Variants in APBB2 observed in about 807,000 individuals in gnomAD.
APBB2 encodes amyloid beta precursor protein binding family B member 2.
APBB2 carries 38 observed loss-of-function variants against 82.5 expected under a neutral mutation model. The observed-to-expected ratio is 0.46, with a 90% CI of 0.36 to 0.60. The LOEUF (loss-of-function observed/expected upper bound fraction) is 0.60, where lower values mean the gene tolerates loss of function less well. Ranked by LOEUF, APBB2 falls within the 20% of genes least tolerant of loss-of-function variation. The probability of loss-of-function intolerance (pLI) is 0.00; values close to 1 mark genes in which losing one functional copy is unlikely to be tolerated. For missense variants in APBB2, 772 were observed against 972.3 expected (o/e 0.79, Z 2.74); for synonymous variants, 341 against 368.2 (o/e 0.93, Z 0.85).
intron 6 of APBB2, among the ~76,000 whole-genome samples, chr4:40,994,408 TA>T (rs1331296562): frequency 6.6e-6 from 1 of 152,160 alleles, no homozygotes; most frequent in East Asian, 1.9e-4. Context: ...CTCTTGAAGT[TA>T]AAGTATGATA....
Position 41,003,186 on chromosome 4 carries a change from G to A in APBB2, c.835+10397C>T, listed in dbSNP as rs147798888. 7.2e-5 allele frequency among the ~76,000 whole-genome samples: 11 copies of A among 152,006 alleles called. No individual in the cohort carries two copies. The East Asian group carries it at 1.2e-3, about 16-fold the overall frequency. On this transcript the variant is annotated intron_variant, in intron 6 of 17. Coordinates refer to ENST00000508593, the MANE Select transcript of APBB2 (RefSeq NM_004307.2). ...CAATCTCAGTTGAGGTTGTAGTTTC[G>A]GATTCATCAGTCCACACCAAAATTT...
At chr4:40,972,846 C>T (rs905223908) in intron 6 of APBB2, among the ~76,000 whole-genome samples, 2 of 152,210 alleles carry the variant, frequency 1.3e-5, no homozygotes, top group Non-Finnish European at 2.9e-5. Context: ...TTGCTCAGTA[C>T]TTATCCCCAG....
intron 6 of APBB2, among the ~76,000 whole-genome samples, chr4:40,962,588 T>G (rs1189889689): frequency 6.6e-6 from 1 of 152,208 alleles, no homozygotes; most frequent in Non-Finnish European, 1.5e-5. Context: ...ACGTCATAGG[T>G]GGGCAATGTA....
chr4:40,823,055 G>A (rs1023744238), intron 16 of APBB2, among the ~76,000 whole-genome samples: 2 of 152,194 alleles, frequency 1.3e-5, no homozygotes, highest in African/African-American at 4.8e-5. Context: ...TTCCCTGGCA[G>A]GTGCTTCACA....
At chr4:40,852,308 G>A (rs1275758512) in intron 12 of APBB2, among the ~76,000 whole-genome samples, 2 of 140,688 alleles carry the variant, frequency 1.4e-5, no homozygotes, top group East Asian at 2.1e-4. Flanking sequence ...CCGAGATCGT[G>A]ACACTGCACT....
At position 41,013,879 on chromosome 4, in the gene APBB2, C is replaced by A; in HGVS notation, c.539G>T (p.Gly180Val). 1 of 1,614,162 alleles carries A rather than the reference C, an allele frequency of 6.2e-7. No individual in the cohort carries two copies. Among genetic ancestry groups the A allele is most frequent in the South Asian group, 1.1e-5 (1 of 91,080 alleles). Residue 180 changes from glycine (G) to valine (V), a missense_variant, in exon 6 of 18, where the codon GGC (glycine) becomes GTC (valine). Physicochemically the swap from Gly to Val is moderately radical, Grantham distance 109. Transcript: ENST00000508593. The part of the protein sequence containing the change: ...TSARELEQNR[G>V]NHHGTAEEKS... ...CTCTTCCGCAGTCCCATGGTGATTG[C>A]CTCGGTTCTGCTCTAGTTCTCTGGC...
intron 2 of APBB2, among the ~76,000 whole-genome samples, chr4:41,125,445 G>A (rs73248261): frequency 0.12 from 17,667 of 152,102 alleles, 1,290 homozygotes; most frequent in Non-Finnish European, 0.16. Context: ...CTGAGGTTGG[G>A]TGTCCCAGCA....
intron 4 of APBB2, among the ~76,000 whole-genome samples, chr4:41,051,140 G>T (rs1284905037): frequency 1.3e-5 from 2 of 152,136 alleles, no homozygotes; most frequent in Admixed American, 6.5e-5. Flanking sequence ...ACAAAGGCGG[G>T]TCTCTAAAAT....
At chr4:41,189,264 A>G (rs1218129543) in intron 1 of APBB2, among the ~76,000 whole-genome samples, 1 of 152,198 alleles carries the variant, frequency 6.6e-6, no homozygotes, top group Admixed American at 6.5e-5. Flanking sequence ...ATGAAAGCAC[A>G]TACTGAATCA....
At chr4:40,819,163 T>C (rs1247675074) in intron 17 of APBB2, among the ~76,000 whole-genome samples, 2 of 147,122 alleles carry the variant, frequency 1.4e-5, no homozygotes, top group Non-Finnish European at 3.0e-5. Flanking sequence ...GCTAAGTCCC[T>C]CCCCTTGGCT....
rs979644996 is a variant in APBB2, at chr4:40,984,653, G to A, written c.835+28930C>T. Among the ~76,000 whole-genome samples, 4 of 152,146 alleles carry A rather than the reference G, an allele frequency of 2.6e-5. No homozygotes were observed. In the South Asian group the frequency reaches 6.2e-4, roughly 24 times the overall value. Reference sequence around the variant, plus strand: ...AGGCCCCTGGAACCCTCAAGGAGTGGAGTAACAGCTAACAAGTAGCAAAGG... The same window carrying A: ...AGGCCCCTGGAACCCTCAAGGAGTGAAGTAACAGCTAACAAGTAGCAAAGG... On this transcript the variant is annotated intron_variant, in intron 6 of 17. Coordinates refer to ENST00000508593, the MANE Select transcript of APBB2 (RefSeq NM_004307.2).
chr4:41,200,006 CAACCCACTTCA>C (rs1776306814), intron 1 of APBB2, among the ~76,000 whole-genome samples: 1 of 152,134 alleles, frequency 6.6e-6, no homozygotes, highest in Non-Finnish European at 1.5e-5. Flanking sequence ...AATTGTTAAC[CAACCCACTTCA>C]AGAATTACTC....
chr4:41,006,494 C>T (rs758017406), intron 6 of APBB2, among the ~76,000 whole-genome samples: 3 of 152,056 alleles, frequency 2.0e-5, no homozygotes, highest in South Asian at 2.1e-4. Flanking sequence ...GATGGAGTCT[C>T]GCTGTGTTGT....
intron 10 of APBB2, among the ~76,000 whole-genome samples, chr4:40,928,428 A>ACACACACACAC (rs201061451): frequency 4.3e-4 from 23 of 54,080 alleles, no homozygotes; most frequent in East Asian, 9.9e-4. Flanking sequence ...ACACACACAC[A>ACACACACACAC]ATCAGCCAGG....
chr4:40,995,365 T>C (rs1274505146), intron 6 of APBB2, among the ~76,000 whole-genome samples: 2 of 152,028 alleles, frequency 1.3e-5, no homozygotes, highest in Non-Finnish European at 2.9e-5. Context: ...GATTAATAAG[T>C]CCATCCGTCA....
intron 10 of APBB2, among the ~76,000 whole-genome samples, chr4:40,919,899 C>G (rs1007092681): frequency 6.6e-6 from 1 of 152,178 alleles, no homozygotes; most frequent in Non-Finnish European, 1.5e-5. Context: ...AGCCACACGG[C>G]TCATTGCTGA....
At chr4:41,062,464 C>T (rs1183727724) in intron 4 of APBB2, among the ~76,000 whole-genome samples, 1 of 151,922 alleles carries the variant, frequency 6.6e-6, no homozygotes, top group Non-Finnish European at 1.5e-5. Flanking sequence ...CAGCACCCAG[C>T]CAAATCTTAT....
intron 6 of APBB2, among the ~76,000 whole-genome samples, chr4:41,000,000 A>G (rs1804683930): frequency 6.7e-6 from 1 of 149,362 alleles, no homozygotes. Context: ...ACAACATGGT[A>G]AAACCCCGTA....
At chr4:40,981,297 G>A (rs1331939733) in intron 6 of APBB2, among the ~76,000 whole-genome samples, 1 of 152,012 alleles carries the variant, frequency 6.6e-6, no homozygotes, top group Non-Finnish European at 1.5e-5. Context: ...CAGCTACTTG[G>A]GAGGCTGAGG....
Sources: allele counts gnomAD v4.1 joint callset (sites outside exome capture counted in the v4.1 genomes callset), GRCh38; gene constraint gnomAD v4.1.1; transcripts MANE v1.5; gene names NCBI Gene and HGNC (gene_info 2026-07-23, HGNC 2026-07-21).